RHOT2: variants seen among roughly 807,000 people sequenced by gnomAD.
RHOT2 encodes the protein mitochondrial Rho GTPase 2.
A neutral mutation model predicts 81.6 loss-of-function variants in RHOT2; 90 were observed. That is an observed-to-expected ratio of 1.10 (90% CI 0.93 to 1.31). RHOT2 has a LOEUF of 1.31. Ranked by LOEUF, RHOT2 falls within the 40% of genes most tolerant of loss-of-function variation. The pLI is 0.00. For synonymous variants in RHOT2, 512 were observed against 370.9 expected (o/e 1.38, Z -4.37); for missense variants, 1,014 against 841.9 (o/e 1.20, Z -2.53).
chr16:672,387 A>G lies in RHOT2; in HGVS notation c.1326+3A>G, dbSNP rs769129317. ...CCTTTCTCGGCCGCGGCCTGGGGGT[A>G]AGCACCCTAGACTCCCCCACCACCC... On this transcript the variant is annotated splice_donor_region_variant and intron_variant, in intron 15 of 18. Transcript: ENST00000315082. 6 of 1,609,058 alleles carry G rather than the reference A, an allele frequency of 3.7e-6. No homozygotes were observed. In the African/African-American group the frequency reaches 5.3e-5, roughly 14 times the overall value.
Position 668,528 on chromosome 16 carries a change from T to C in RHOT2, c.137T>C (p.Val46Ala), listed in dbSNP as rs768048829. Residue 46 changes from valine (V) to alanine (A), a missense_variant, in exon 3 of 19, where the codon GTC (valine) becomes GCC (alanine). By Grantham distance (64) the Val-to-Ala change is moderately conservative. Transcript: ENST00000315082. ...GAGGAGATCACCATCCCCGCGGACG[T>C]CACCCCGGAGAAGGTGCCCACCCAC... ...RAEEITIPAD[V>A]TPEKVPTHIV... The C allele has an allele frequency of 5.6e-6, 9 of 1,609,616 alleles. No individual in the cohort carries two copies. The highest frequency in any genetic ancestry group is 1.1e-5 in the South Asian group (1 of 90,566).
intron 4 of RHOT2, 85 bp downstream of exon 4, chr16:668,784 G>A: frequency 7.2e-7 from 1 of 1,393,432 alleles, no homozygotes; most frequent in Non-Finnish European, 9.7e-7. Flanking sequence ...GGACCGAGGT[G>A]CTCCGGGTGT....
chr16:673,524 G>T lies in RHOT2; in HGVS notation c.1775G>T (p.Arg592Leu), dbSNP rs1356629474. Residue 592 changes from arginine to leucine, a missense_variant, in exon 19 of 19, where the codon CGG becomes CTG. Physicochemically the swap from Arg to Leu is moderately radical, Grantham distance 102 (BLOSUM62 -2). Coordinates refer to ENST00000315082, the MANE Select transcript of RHOT2 (RefSeq NM_138769.3). ...AELHPSSFWL[R>L]GLLGVVGAAV... ...CTGCATCCCTCTTCCTTCTGGCTCC[G>T]GGGGCTGCTGGGGGTTGTCGGGGCC... 1 of 1,612,522 alleles carries T rather than the reference G, an allele frequency of 6.2e-7. No homozygotes were observed. The highest frequency in any genetic ancestry group is 8.5e-7 in the Non-Finnish European group (1 of 1,179,858).
Position 671,860 on chromosome 16 carries a change from G to A in RHOT2, c.955G>A (p.Asp319Asn), listed in dbSNP as rs757463980. The change falls in exon 13 of 19, where the codon GAC becomes AAC. Residue 319 changes from aspartate to asparagine, a missense_variant and splice_region_variant. Asp to Asn is a conservative substitution (Grantham distance 23). Transcript: ENST00000315082. Reference sequence around the variant, plus strand: ...CATCACCACATCCCTCCTTCTGCAGGACCGCGACGGCGCCCTCTCGCCCGT... The same window carrying A: ...CATCACCACATCCCTCCTTCTGCAGAACCGCGACGGCGCCCTCTCGCCCGT... Reference protein sequence around the residue: ...VQRVFEKHDQDRDGALSPVEL... With the variant: ...VQRVFEKHDQNRDGALSPVEL... 6 of 1,565,480 alleles carry A rather than the reference G, an allele frequency of 3.8e-6. No individual in the cohort carries two copies. Among genetic ancestry groups the A allele is most frequent in the African/African-American group, 1.5e-5 (1 of 68,454 alleles).
chr16:673,053 C>G lies in RHOT2; in HGVS notation c.1653C>G (p.Pro551=). The G allele has an allele frequency of 6.2e-7, 1 of 1,611,954 alleles. No homozygotes were observed. Among genetic ancestry groups the G allele is most frequent in the Non-Finnish European group, 8.5e-7 (1 of 1,179,938 alleles). ...EFCRKHRLPA[P]VPFSCAGPAE... Reference sequence around the variant, plus strand: ...GCCGCAAGCACCGGCTACCCGCTCCCGTGCCGTTCTCCTGTGCTGGCCCAG... The same window carrying G: ...GCCGCAAGCACCGGCTACCCGCTCCGGTGCCGTTCTCCTGTGCTGGCCCAG... The change falls in exon 18 of 19, where the codon CCC becomes CCG. Residue 551 remains proline, a synonymous_variant. Transcript: ENST00000315082.
At position 672,841 on chromosome 16, in the gene RHOT2, G is replaced by T. The variant is rs778955516; in HGVS notation, c.1527+16G>T. On this transcript the variant is annotated intron_variant, in intron 17 of 18. Transcript: ENST00000315082. ...CGTCTACAAGGTGGGGCCCTGCAGG[G>T]GCCACGTGGCCATGGGGCAGGGTCT... The T allele has an allele frequency of 1.2e-6, 2 of 1,612,564 alleles. No homozygotes were observed. The highest frequency in any genetic ancestry group is 2.2e-5 in the East Asian group (1 of 44,872).
rs1139897 is a variant in RHOT2 at position 670,986 on chromosome 16, G to A, written c.734G>A (p.Arg245Gln). Residue 245 changes from arginine (R) to glutamine (Q), a missense_variant, in exon 10 of 19, where the codon CGG (arginine) becomes CAG (glutamine). Physicochemically the swap from Arg to Gln is conservative, Grantham distance 43 (BLOSUM62 1). Transcript: ENST00000315082. ...GTGGCGGGCGGCGTGCGGGAGGACC[G>A]GCTGACCCTGGATGGTGAGGCCGGG... ...RNVAGGVRED[R>Q]LTLDGFLFLN... is the part of the protein sequence containing the mutation. 402,653 of 1,578,344 alleles carry A rather than the reference G, an allele frequency of 0.26. 60,553 individuals are homozygous for A. The highest frequency in any genetic ancestry group is 0.69 in the East Asian group (30,514 of 44,484).
intron 13 of RHOT2, 23 bp from the exon 14 acceptor site, chr16:672,061 G>A: frequency 1.2e-6 from 2 of 1,612,178 alleles, no homozygotes; most frequent in Non-Finnish European, 1.7e-6. Flanking sequence ...ATAACACTGT[G>A]CCTGCCTCCC....
chr16:671,561 G>A, intron 11 of RHOT2, 136 bp from the exon 12 acceptor site: 1 of 964,300 alleles, frequency 1.0e-6, no homozygotes. Context: ...CAGCTGCAAG[G>A]TCGGGGGCGT....
intron 4 of RHOT2, chr16:669,249 G>A (rs1270482082): frequency 1.9e-6 from 1 of 515,988 alleles, no homozygotes; most frequent in East Asian, 3.4e-5. Flanking sequence ...TCTGCTCCAA[G>A]GGTCTTGCTG....
rs749515003 is a variant in RHOT2 at position 672,836 on chromosome 16, G to T, written c.1527+11G>T. 2.5e-6 allele frequency: 4 copies of T among 1,612,566 alleles called. No homozygotes were observed. The highest frequency in any genetic ancestry group is 3.4e-6 in the Non-Finnish European group (4 of 1,179,972). On this transcript the variant is annotated intron_variant, in intron 17 of 18. Transcript: ENST00000315082. Reference sequence around the variant, plus strand: ...GCCAGCGTCTACAAGGTGGGGCCCTGCAGGGGCCACGTGGCCATGGGGCAG... The same window carrying T: ...GCCAGCGTCTACAAGGTGGGGCCCTTCAGGGGCCACGTGGCCATGGGGCAG...
In RHOT2 at chr16:673,624, C is replaced by T. The variant is rs371822068; in HGVS notation, c.*18C>T. The T allele has an allele frequency of 8.1e-6, 13 of 1,599,544 alleles. No individual in the cohort carries two copies. Among genetic ancestry groups the T allele is most frequent in the African/African-American group, 2.7e-5 (2 of 74,148 alleles). On this transcript the variant is annotated 3_prime_UTR_variant, in exon 19 of 19. Coordinates refer to ENST00000315082, the MANE Select transcript of RHOT2 (RefSeq NM_138769.3). ...GCCAGTGAGGCCCCTGGTACCCAAG[C>T]CCCCTCCCCTGACCTGGGTGTGCCT...
chr16:672,487 A>G lies in RHOT2; in HGVS notation c.1327-2A>G, dbSNP rs1364035140. 3 of 1,612,384 alleles carry G rather than the reference A, an allele frequency of 1.9e-6. No homozygotes were observed. The highest frequency in any genetic ancestry group is 2.5e-6 in the Non-Finnish European group (3 of 1,179,836). ...CGAGTGTCAGGACTTCACCTCCCTC[A>G]GCACCAGGACACGAGGGAGCAGCCT... On this transcript the variant is annotated splice_acceptor_variant, in intron 15 of 18. Coordinates refer to ENST00000315082, the MANE Select transcript of RHOT2 (RefSeq NM_138769.3). LOFTEE classifies it high-confidence loss of function.
At position 670,883 on chromosome 16, in the gene RHOT2, C is replaced by T. The variant is rs775596235; in HGVS notation, c.640-9C>T. ...TGGCTGACTCCCAACAACGTTCTCTCGGAAGCAGAAATCCTGCTTTGGGCA... is the reference window on the plus strand; with the variant it reads ...TGGCTGACTCCCAACAACGTTCTCTTGGAAGCAGAAATCCTGCTTTGGGCA... On this transcript the variant is annotated splice_polypyrimidine_tract_variant and intron_variant, in intron 9 of 18. Transcript: ENST00000315082. 2.0e-5 allele frequency: 32 copies of T among 1,578,788 alleles called. No individual in the cohort carries two copies. The highest frequency in any genetic ancestry group is 1.5e-4 in the South Asian group (13 of 88,578).
chr16:669,149 T>C (rs1008831505), intron 4 of RHOT2: 1 of 382,448 alleles, frequency 2.6e-6, no homozygotes, highest in South Asian at 3.1e-5. Context: ...CCTGTCACTC[T>C]GTCTGTAGCG....
intron 12 of RHOT2, 29 bp downstream of exon 12, chr16:671,810 G>GGCCCCGCCCC: frequency 6.3e-7 from 1 of 1,586,236 alleles, no homozygotes; most frequent in Non-Finnish European, 8.6e-7. Context: ...CCCTGCCCCT[G>GGCCCCGCCCC]CCCCCGCCCC....
At chr16:671,286 G>A (rs531066026) in intron 11 of RHOT2, 83 bp downstream of exon 11, 1 of 1,489,964 alleles carries the variant, frequency 6.7e-7, no homozygotes, top group South Asian at 1.4e-5. Context: ...CATGAGTGAC[G>A]CTGGGGTTTG....
Position 671,894 on chromosome 16 carries a change from A to G in RHOT2, c.989A>G (p.Gln330Arg). 1 of 1,570,692 alleles carries G rather than the reference A, an allele frequency of 6.4e-7. No homozygotes were observed. The highest frequency in any genetic ancestry group is 8.6e-7 in the Non-Finnish European group (1 of 1,161,508). Residue 330 changes from glutamine to arginine, a missense_variant, in exon 13 of 19, where the codon CAA becomes CGA. Physicochemically the swap from Gln to Arg is conservative, Grantham distance 43. Transcript: ENST00000315082. ...GGCGCCCTCTCGCCCGTGGAGCTGC[A>G]AAGCCTTTTCAGTGTGTTCCCAGCA... is the stretch of plus-strand genomic sequence containing the variant. Reference protein sequence around the residue: ...RDGALSPVELQSLFSVFPAAP... With the variant: ...RDGALSPVELRSLFSVFPAAP...
In RHOT2 at chr16:670,791, C is replaced by G. The variant is rs369441990; in HGVS notation, c.639+18C>G. The G allele has an allele frequency of 6.2e-7, 1 of 1,610,542 alleles. No homozygotes were observed. The highest frequency in any genetic ancestry group is 2.2e-5 in the East Asian group (1 of 44,856). ...CTTTCCAGGTGTGCCCCTGCCCCAC[C>G]CTCGGTGCCCAGCCCCCTTGAACCT... On this transcript the variant is annotated intron_variant, in intron 9 of 18. Transcript: ENST00000315082.
Sources: allele counts gnomAD v4.1 joint callset, GRCh38; gene constraint gnomAD v4.1.1; transcripts MANE v1.5; gene names NCBI Gene and HGNC (gene_info 2026-07-23, HGNC 2026-07-21).